TENT4A: variants seen among roughly 807,000 people sequenced by gnomAD.
TENT4A encodes terminal nucleotidyltransferase 4A.
A neutral mutation model predicts 72.8 loss-of-function variants in TENT4A; 7 were observed. The ratio of observed to expected loss-of-function variants is 0.10; its 90% confidence interval spans 0.05 to 0.18. TENT4A has a LOEUF of 0.18. Among genes scored for constraint, TENT4A ranks in the 10% least tolerant of loss-of-function variants. The pLI, the probability that TENT4A is intolerant of heterozygous loss-of-function variation, is 1.00. For synonymous variants in TENT4A, 456 were observed against 434.3 expected (o/e 1.05, Z -0.62); for missense variants, 831 against 1,017.7 (o/e 0.82, Z 2.50).
chr5:6,722,452 G>A (rs1465476127), intron 1 of TENT4A, among the ~76,000 whole-genome samples: 1 of 152,144 alleles, frequency 6.6e-6, no homozygotes, highest in Non-Finnish European at 1.5e-5. Flanking sequence ...GGGGGCTAGA[G>A]GGGTGTTGTG....
At chr5:6,720,700 A>AAATG (rs1229598446) in intron 1 of TENT4A, among the ~76,000 whole-genome samples, 1 of 151,078 alleles carries the variant, frequency 6.6e-6, no homozygotes, top group Non-Finnish European at 1.5e-5. Context: ...ATAAATAAAT[A>AAATG]AATAAATAAA....
At chr5:6,739,418 G>A (rs1459081813) in intron 3 of TENT4A, among the ~76,000 whole-genome samples, 4 of 152,206 alleles carry the variant, frequency 2.6e-5, no homozygotes, top group Admixed American at 6.5e-5. Context: ...CTGGGAGAGC[G>A]GGGCCTCAGC....
chr5:6,734,253 C>T (rs1741354399), intron 1 of TENT4A, among the ~76,000 whole-genome samples: 1 of 152,256 alleles, frequency 6.6e-6, no homozygotes. Flanking sequence ...TTGGGCTACT[C>T]TTACTGTGCA....
chr5:6,746,011 T>G, intron 6 of TENT4A: 3 of 1,405,650 alleles, frequency 2.1e-6, no homozygotes, highest in Middle Eastern at 2.7e-4. Flanking sequence ...ACACTAAAAT[T>G]CAGATGAGTC....
intron 5 of TENT4A, 108 bp from the exon 6 acceptor site, chr5:6,743,604 C>A: frequency 1.1e-6 from 1 of 871,122 alleles, no homozygotes; most frequent in Non-Finnish European, 1.8e-6. Context: ...TTCAGATGGG[C>A]AAGAGGATCG....
intron 1 of TENT4A, among the ~76,000 whole-genome samples, chr5:6,723,551 T>C (rs1487243853): frequency 6.6e-6 from 1 of 152,048 alleles, no homozygotes; most frequent in Non-Finnish European, 1.5e-5. Context: ...GGTGCTGCAG[T>C]TGGAAATGTG....
intron 1 of TENT4A, among the ~76,000 whole-genome samples, chr5:6,734,017 G>A (rs188104945): frequency 1.3e-5 from 2 of 152,224 alleles, no homozygotes; most frequent in South Asian, 2.1e-4. Flanking sequence ...TTTAGATGTC[G>A]TAGAGAGTGT....
chr5:6,724,438 A>G (rs1387325784), intron 1 of TENT4A, among the ~76,000 whole-genome samples: 2 of 152,248 alleles, frequency 1.3e-5, no homozygotes, highest in African/African-American at 2.4e-5. Context: ...AAGGAATTCT[A>G]AAGTGTCATT....
Position 6,749,560 on chromosome 5 carries a change from T to G in TENT4A, c.1590T>G (p.Thr530=). ...CTCCAACAATGTCCCTTTGCAGTAC[T>G]TTAGGAAGAATCATCAAAGTAACTC... ...RSYPNRDAES[T]LGRIIKVTQE... Residue 530 remains threonine (T), a synonymous_variant, in exon 9 of 13, where the codon ACT becomes ACG. Coordinates refer to ENST00000230859, the MANE Select transcript of TENT4A (RefSeq NM_006999.6). The G allele has an allele frequency of 1.2e-6, 2 of 1,608,658 alleles. No individual in the cohort carries two copies.
At chr5:6,738,176 G>T (rs1741609997) in intron 2 of TENT4A, among the ~76,000 whole-genome samples, 1 of 152,088 alleles carries the variant, frequency 6.6e-6, no homozygotes, top group African/African-American at 2.4e-5. Context: ...CCCCTGGCCG[G>T]CTCTATTCAG....
intron 1 of TENT4A, among the ~76,000 whole-genome samples, chr5:6,736,195 GC>G (rs28363341): frequency 0.068 from 10,321 of 152,280 alleles, 495 homozygotes; most frequent in African/African-American, 0.13. Flanking sequence ...TTGTAGCCTA[GC>G]CTTAAGCCCT....
In TENT4A at chr5:6,744,756, C is replaced by T. The variant is rs191760782; in HGVS notation, c.1245+916C>T. 2.9e-3 allele frequency among the ~76,000 whole-genome samples: 440 copies of T among 152,338 alleles called. 2 individuals carry two copies. Among genetic ancestry groups the T allele is most frequent in the Non-Finnish European group, 5.1e-3 (346 of 68,032 alleles). On this transcript the variant is annotated intron_variant, in intron 6 of 12. Transcript: ENST00000230859. ...CACACTGTCCTGTCTTCACTTTCCC[C>T]TCTGAGATGTGGCCCTTATATATAG...
intron 6 of TENT4A, 157 bp from the exon 7 acceptor site, chr5:6,746,057 G>A: frequency 2.0e-6 from 3 of 1,488,324 alleles, no homozygotes; most frequent in Non-Finnish European, 2.7e-6. Context: ...CGTTGAAGAG[G>A]CTGCTGTTCA....
At chr5:6,731,921 T>G (rs758208862) in intron 1 of TENT4A, among the ~76,000 whole-genome samples, 1 of 152,220 alleles carries the variant, frequency 6.6e-6, no homozygotes, top group Non-Finnish European at 1.5e-5. Context: ...TTGGTGTGCT[T>G]CTTCCAGCCC....
At position 6,746,436 on chromosome 5, in the gene TENT4A, G is replaced by A. The variant is rs375971367; in HGVS notation, c.1459+9G>A. The stretch of plus-strand genomic sequence containing the variant: ...GGACCCCCTGCTGCCAGGTAAGGGC[G>A]CCCTGATCTCCACTGCTGAGAGCTG... On this transcript the variant is annotated intron_variant, in intron 7 of 12. Coordinates refer to ENST00000230859, the MANE Select transcript of TENT4A (RefSeq NM_006999.6). 81 of 1,613,490 alleles carry A rather than the reference G, an allele frequency of 5.0e-5. No homozygotes were observed. Among genetic ancestry groups the A allele is most frequent in the Middle Eastern group, 1.7e-4 (1 of 6,052 alleles).
At chr5:6,719,746 G>A (rs1740556380) in intron 1 of TENT4A, among the ~76,000 whole-genome samples, 1 of 152,204 alleles carries the variant, frequency 6.6e-6, no homozygotes, top group Admixed American at 6.5e-5. Flanking sequence ...CAACACTGGG[G>A]ATGCACACTC....
In TENT4A at chr5:6,719,851, C is replaced by G. The variant is rs987758601; in HGVS notation, c.716+5152C>G. Among the ~76,000 whole-genome samples the G allele has an allele frequency of 4.6e-5, 7 of 152,214 alleles. No individual in the cohort carries two copies. The East Asian group carries it at 1.3e-3, about 29-fold the overall frequency. On this transcript the variant is annotated intron_variant, in intron 1 of 12. Coordinates refer to ENST00000230859, the MANE Select transcript of TENT4A (RefSeq NM_006999.6). ...ACTCAGAGGCTTAGAAGAACACTCA[C>G]TTATGGTCTTAAGGATTTTGTGTGT...
At chr5:6,723,596 A>G (rs941811674) in intron 1 of TENT4A, among the ~76,000 whole-genome samples, 2 of 152,226 alleles carry the variant, frequency 1.3e-5, no homozygotes, top group African/African-American at 4.8e-5. Flanking sequence ...TTTACTCCTA[A>G]CAGTGTTCAG....
chr5:6,733,697 A>G (rs1163981406), intron 1 of TENT4A, among the ~76,000 whole-genome samples: 1 of 121,892 alleles, frequency 8.2e-6, no homozygotes, highest in Non-Finnish European at 1.9e-5. Flanking sequence ...TCATTGATGT[A>G]CTTCTGTGGC....
Sources: gnomAD v4.1 joint callset for allele counts (sites outside exome capture counted in the v4.1 genomes callset) on GRCh38, gnomAD v4.1.1 for gene constraint, MANE v1.5 for transcripts, NCBI Gene and HGNC (gene_info 2026-07-23, HGNC 2026-07-21) for gene names.